CCDC14: variants seen among roughly 807,000 people sequenced by gnomAD.
CCDC14 encodes coiled-coil domain-containing protein 14.
CCDC14 carries 71 observed loss-of-function variants against 81.4 expected under a neutral mutation model. The ratio of observed to expected loss-of-function variants is 0.87; its 90% CI spans 0.72 to 1.06. The LOEUF is 1.06. Among genes scored for constraint, CCDC14 ranks in the 50% least tolerant of loss-of-function variants. CCDC14 has a pLI of 0.00. For synonymous variants in CCDC14, 332 were observed against 364.8 expected (o/e 0.91, Z 1.03); for missense variants, 1,046 against 1,047.3 (o/e 1.00, Z 0.02).
chr3:123,916,138 A>G (rs1295165238), intron 12 of CCDC14, among the ~76,000 whole-genome samples: 1 of 151,960 alleles, frequency 6.6e-6, no homozygotes, highest in Non-Finnish European at 1.5e-5. Context: ...AGCTGGGATT[A>G]CAGGTGCGCA....
chr3:123,915,518 G>C lies in CCDC14; in HGVS notation c.1979C>G (p.Pro660Arg). 1 of 1,613,944 alleles carries C rather than the reference G, an allele frequency of 6.2e-7. No individual in the cohort carries two copies. The highest frequency in any genetic ancestry group is 8.5e-7 in the Non-Finnish European group (1 of 1,179,868). ...TTCCTCATTTTTAATTGTAGAAAGT[G>C]GCTCTGAATGTGTAAAACTGTAATT... ...ETNYSFTHSE[P>R]LSTIKNEETI... Residue 660 changes from proline (P) to arginine (R), a missense_variant, in exon 13 of 13, where the codon CCA becomes CGA. Coordinates refer to ENST00000409697, the MANE Select transcript of CCDC14 (RefSeq NM_001366335.1).
intron 12 of CCDC14, among the ~76,000 whole-genome samples, chr3:123,928,448 G>A (rs1443441290): frequency 2.6e-5 from 4 of 151,888 alleles, no homozygotes; most frequent in African/African-American, 9.7e-5. Context: ...GGAGCTTGCA[G>A]TGAGCCAAGA....
intron 5 of CCDC14, among the ~76,000 whole-genome samples, chr3:123,907,732 C>T (rs1274544796): frequency 2.0e-5 from 3 of 151,588 alleles, no homozygotes; most frequent in Non-Finnish European, 4.4e-5. Context: ...AAAAAAAAAC[C>T]CTTTTCACCT....
At chr3:123,938,867 T>A (rs1268611730) in intron 9 of CCDC14, among the ~76,000 whole-genome samples, 1 of 151,976 alleles carries the variant, frequency 6.6e-6, no homozygotes, top group African/African-American at 2.4e-5. Flanking sequence ...GAAATATTAT[T>A]CCTAAGTAAT....
intron 12 of CCDC14, among the ~76,000 whole-genome samples, chr3:123,928,480 T>G (rs1305800636): frequency 6.6e-6 from 1 of 152,044 alleles, no homozygotes; most frequent in Non-Finnish European, 1.5e-5. Context: ...CACTCCAGCC[T>G]GGGCGACAGA....
chr3:123,944,210 T>C (rs2036508949), intron 9 of CCDC14, among the ~76,000 whole-genome samples: 1 of 152,120 alleles, frequency 6.6e-6, no homozygotes, highest in Non-Finnish European at 1.5e-5. Context: ...CATATAAGTG[T>C]TCTGTGTCGA....
At chr3:123,944,462 C>G (rs1276222463) in intron 9 of CCDC14, among the ~76,000 whole-genome samples, 1 of 152,130 alleles carries the variant, frequency 6.6e-6, no homozygotes, top group Non-Finnish European at 1.5e-5. Context: ...TCCTGAGTCA[C>G]ATGATGAAAG....
At chr3:123,893,012 C>T (rs2034011905), downstream of CCDC14, among the ~76,000 whole-genome samples, 1 of 152,120 alleles carries the variant, frequency 6.6e-6, no homozygotes, top group South Asian at 2.1e-4. Flanking sequence ...CACCACATTA[C>T]TCAGGATGGT....
intron 5 of CCDC14, chr3:123,953,577 C>G (rs1185978039): frequency 1.3e-5 from 2 of 152,192 alleles, no homozygotes; most frequent in African/African-American, 2.4e-5. Flanking sequence ...GACTAACTTA[C>G]TAGCTTGTAA....
Position 123,915,189 on chromosome 3 carries a change from C to A in CCDC14, c.2308G>T (p.Val770Phe). The stretch of plus-strand genomic sequence containing the variant: ...CACAGTTTATTTTCTTTTCCAGAGA[C>A]AGCAAGTCCGCTGTTGCTGACTAGC... ...TQLVSNSGLA[V>F]SGKENKLCTP... The change falls in exon 13 of 13, where the codon GTC becomes TTC. Residue 770 changes from valine to phenylalanine, a missense_variant. Physicochemically the swap from Val to Phe is conservative, Grantham distance 50. Transcript: ENST00000409697. 2 of 1,613,714 alleles carry A rather than the reference C, an allele frequency of 1.2e-6. No homozygotes were observed. Among genetic ancestry groups the A allele is most frequent in the Non-Finnish European group, 1.7e-6 (2 of 1,179,714 alleles).
chr3:123,918,778 G>A (rs1317254440), intron 12 of CCDC14, among the ~76,000 whole-genome samples: 1 of 151,834 alleles, frequency 6.6e-6, no homozygotes, highest in East Asian at 1.9e-4. Context: ...CAAAAAAGAG[G>A]GATACAGCTC....
chr3:123,911,469 T>G (rs2034443221), downstream of CCDC14, among the ~76,000 whole-genome samples: 1 of 152,194 alleles, frequency 6.6e-6, no homozygotes, highest in East Asian at 1.9e-4. Context: ...CAACTTTCCC[T>G]AGTGGTTGCT....
chr3:123,914,832 CA>C lies in CCDC14; in HGVS notation c.2664del (p.Asp888GlufsTer4). On this transcript the variant is annotated frameshift_variant, in exon 13 of 13. Transcript: ENST00000409697. LOFTEE classifies it high-confidence loss of function. ...QDFRNGLAAL[D>X]ANIARLQKSL... The stretch of plus-strand genomic sequence containing the variant: ...GACTTCTGGAGTCTAGCTATGTTGG[CA>C]TCTAATGCCGCAAGGCCATTTCTGA... 1 of 1,597,902 alleles carries C rather than the reference CA, an allele frequency of 6.3e-7. No individual in the cohort carries two copies. The highest frequency in any genetic ancestry group is 2.3e-5 in the East Asian group (1 of 44,310).
chr3:123,956,230 G>T, intron 3 of CCDC14, 115 bp from the exon 4 acceptor site: 2 of 1,279,154 alleles, frequency 1.6e-6, no homozygotes, highest in Non-Finnish European at 2.1e-6. Context: ...TGGTAGAAAA[G>T]ATGTTTTAAA....
At chr3:123,912,096 G>T (rs552202597), downstream of CCDC14, among the ~76,000 whole-genome samples, 1 of 152,156 alleles carries the variant, frequency 6.6e-6, no homozygotes, top group East Asian at 1.9e-4. Context: ...CATTGTAAAG[G>T]GTTGTATATT....
At chr3:123,888,469 AC>A in the CCDC14 span, among the ~76,000 whole-genome samples, 1 of 152,102 alleles carries the variant, frequency 6.6e-6, no homozygotes, top group African/African-American at 2.4e-5. Context: ...TCCCTCACTC[AC>A]TTTTATCTGG....
intron 5 of CCDC14, among the ~76,000 whole-genome samples, chr3:123,951,229 A>G (rs2037001371): frequency 6.6e-6 from 1 of 152,192 alleles, no homozygotes; most frequent in African/African-American, 2.4e-5. Flanking sequence ...TTCTTAAAGC[A>G]ATGTCTACCA....
chr3:123,908,637 C>G (rs1283211690), downstream of CCDC14, among the ~76,000 whole-genome samples: 1 of 151,916 alleles, frequency 6.6e-6, no homozygotes, highest in Non-Finnish European at 1.5e-5. Flanking sequence ...ATTCTCATAC[C>G]CTTTCTGGGT....
chr3:123,904,841 A>C (rs911432909), intron 5 of CCDC14, among the ~76,000 whole-genome samples: 4 of 152,238 alleles, frequency 2.6e-5, no homozygotes, highest in African/African-American at 9.6e-5. Context: ...AATTTGTCAC[A>C]GAATTTGATC....
Sources: allele counts gnomAD v4.1 joint callset (sites outside exome capture counted in the v4.1 genomes callset), GRCh38; gene constraint gnomAD v4.1.1; transcripts MANE v1.5; gene names NCBI Gene and HGNC (gene_info 2026-07-23, HGNC 2026-07-21).